Variants in SLC1A2 observed in about 807,000 individuals in gnomAD.
SLC1A2 encodes solute carrier family 1 member 2, also known as excitatory amino acid transporter 2.
A neutral mutation model predicts 48.8 loss-of-function variants in SLC1A2; 15 were observed. The observed-to-expected ratio is 0.31, with a 90% CI of 0.21 to 0.47. The LOEUF is 0.47. SLC1A2 is among the 20% of genes least tolerant of loss of function. SLC1A2 has a pLI of 0.99. For synonymous variants in SLC1A2, 279 were observed against 272.6 expected (o/e 1.02, Z -0.23); for missense variants, 502 against 730.5 (o/e 0.69, Z 3.61).
At chr11:35,278,926 G>A (rs550902582) in intron 9 of SLC1A2, among the ~76,000 whole-genome samples, 95 of 152,262 alleles carry the variant, frequency 6.2e-4, no homozygotes, top group African/African-American at 9.6e-4. Flanking sequence ...GGCTGAGGCC[G>A]GAGAAATGCT....
chr11:35,318,220 T>C (rs1382534487), intron 1 of SLC1A2, among the ~76,000 whole-genome samples: 2 of 152,194 alleles, frequency 1.3e-5, no homozygotes, highest in East Asian at 1.9e-4. Context: ...CCAAGCCCTT[T>C]TCTGGGTTAA....
intron 1 of SLC1A2, among the ~76,000 whole-genome samples, chr11:35,320,047 T>C (rs1025904182): frequency 2.0e-5 from 3 of 152,230 alleles, no homozygotes; most frequent in African/African-American, 7.2e-5. Context: ...TTAGTCTAAC[T>C]AATCACTACG....
At chr11:35,277,073 A>G (rs1298763695) in intron 9 of SLC1A2, among the ~76,000 whole-genome samples, 1 of 152,140 alleles carries the variant, frequency 6.6e-6, no homozygotes, top group Non-Finnish European at 1.5e-5. Context: ...TAATGCACCA[A>G]CCCCACTCAT....
chr11:35,402,897 C>T (rs1037030033), intron 1 of SLC1A2, among the ~76,000 whole-genome samples: 1 of 152,212 alleles, frequency 6.6e-6, no homozygotes, highest in Non-Finnish European at 1.5e-5. Flanking sequence ...AAATACAGCA[C>T]TCAAATGATC....
At chr11:35,275,176 G>A (rs980492104) in intron 9 of SLC1A2, among the ~76,000 whole-genome samples, 4 of 152,218 alleles carry the variant, frequency 2.6e-5, no homozygotes, top group Non-Finnish European at 5.9e-5. Flanking sequence ...AGGAGCTTCA[G>A]AGCCCTCCTG....
intron 9 of SLC1A2, among the ~76,000 whole-genome samples, chr11:35,277,586 A>T (rs1169220210): frequency 1.3e-5 from 2 of 152,186 alleles, no homozygotes; most frequent in African/African-American, 4.8e-5. Flanking sequence ...ATGAATTTCT[A>T]ATGGTGGTTT....
rs1565276810 is a variant in SLC1A2, at chr11:35,363,260, G to T, written c.18-45744C>A. ...AGCAAAACCATCTTTTGGGTGTTGT[G>T]TATTCTGCCCCAGATGACAATTTTG... On this transcript the variant is annotated intron_variant, in intron 1 of 10. Transcript: ENST00000278379. Among the ~76,000 whole-genome samples the T allele has an allele frequency of 2.6e-5, 4 of 152,288 alleles. No individual in the cohort carries two copies. The East Asian group carries it at 5.8e-4, about 22-fold the overall frequency.
At chr11:35,393,131 G>A (rs1427395157) in intron 1 of SLC1A2, among the ~76,000 whole-genome samples, 2 of 152,124 alleles carry the variant, frequency 1.3e-5, no homozygotes, top group Non-Finnish European at 2.9e-5. Flanking sequence ...CCTTCTTGGT[G>A]CCAGGTGTCC....
chr11:35,334,943 A>G (rs1397491262), intron 1 of SLC1A2, among the ~76,000 whole-genome samples: 1 of 152,198 alleles, frequency 6.6e-6, no homozygotes, highest in Non-Finnish European at 1.5e-5. Context: ...CAGATGAGAA[A>G]GCAAAGTTAA....
At chr11:35,329,194 A>T (rs1156593400) in intron 1 of SLC1A2, among the ~76,000 whole-genome samples, 1 of 152,246 alleles carries the variant, frequency 6.6e-6, no homozygotes, top group Non-Finnish European at 1.5e-5. Flanking sequence ...ATTCTGGAAA[A>T]GGCAAAACTA....
In SLC1A2 at chr11:35,292,408, G is replaced by A. The variant is rs770030499; in HGVS notation, c.970C>T (p.Leu324Phe). 2 of 1,613,490 alleles carry A rather than the reference G, an allele frequency of 1.2e-6. No homozygotes were observed. Reference protein sequence around the residue: ...GMYMVTVIIGLIIHGGIFLPL... With the variant: ...GMYMVTVIIGFIIHGGIFLPL... ...AGAAAGATGCCCCCGTGGATGATGAGGCCTATGATCACTGTTACCATGTAC... is the reference window on the plus strand; with the variant it reads ...AGAAAGATGCCCCCGTGGATGATGAAGCCTATGATCACTGTTACCATGTAC... Residue 324 changes from leucine (L) to phenylalanine (F), a missense_variant, in exon 7 of 11, where the codon CTC becomes TTC. By Grantham distance (22) the Leu-to-Phe change is conservative. This residue lies in a region of SLC1A2 where 309 missense variants were observed against 480.3 expected (regional missense o/e 0.64). Coordinates refer to ENST00000278379, the MANE Select transcript of SLC1A2 (RefSeq NM_004171.4).
intron 1 of SLC1A2, among the ~76,000 whole-genome samples, chr11:35,364,873 G>C (rs559542259): frequency 6.6e-6 from 1 of 152,266 alleles, no homozygotes; most frequent in South Asian, 2.1e-4. Flanking sequence ...ACACAATTCA[G>C]TCCTCAAGAC....
chr11:35,413,620 T>A (rs1395162685), intron 1 of SLC1A2: 1 of 152,146 alleles, frequency 6.6e-6, no homozygotes, highest in Non-Finnish European at 1.5e-5. Context: ...TTAAAACATG[T>A]TCAAAATCCT....
At chr11:35,362,310 A>G (rs1283527507) in intron 1 of SLC1A2, among the ~76,000 whole-genome samples, 2 of 152,164 alleles carry the variant, frequency 1.3e-5, no homozygotes, top group African/African-American at 2.4e-5. Flanking sequence ...TTCAATCCCA[A>G]TCTGAAATTT....
intron 4 of SLC1A2, among the ~76,000 whole-genome samples, chr11:35,307,568 C>T (rs905149847): frequency 6.6e-6 from 1 of 152,224 alleles, no homozygotes; most frequent in Non-Finnish European, 1.5e-5. Context: ...ATTGTCAGTG[C>T]TGGCATGTAG....
chr11:35,255,522 C>G lies in SLC1A2; in HGVS notation c.*5372G>C, dbSNP rs1193979343. The G allele has an allele frequency of 6.6e-6, 1 of 152,194 alleles. No homozygotes were observed. The highest frequency in any genetic ancestry group is 1.5e-5 in the Non-Finnish European group (1 of 68,034). 9.4% of individuals were successfully genotyped at this position (152,194 alleles called of 1,614,324 possible). A position where few individuals can be genotyped will look rare whatever the true frequency, so the allele number is the denominator to read the frequency against. ...AGAAAAGATATTTACAAACAGTTGCCGTGATTGTGCAAGTGTTGTACCAAA... is the reference window on the plus strand; with the variant it reads ...AGAAAAGATATTTACAAACAGTTGCGGTGATTGTGCAAGTGTTGTACCAAA... On this transcript the variant is annotated 3_prime_UTR_variant, in exon 11 of 11. Transcript: ENST00000278379.
chr11:35,340,363 C>T (rs935275450), intron 1 of SLC1A2, among the ~76,000 whole-genome samples: 1 of 152,202 alleles, frequency 6.6e-6, no homozygotes. Flanking sequence ...ACAGTCTGGC[C>T]TCTAAGGGAC....
At chr11:35,395,633 G>A (rs929774557) in intron 1 of SLC1A2, among the ~76,000 whole-genome samples, 1 of 151,946 alleles carries the variant, frequency 6.6e-6, no homozygotes, top group African/African-American at 2.4e-5. Context: ...ACGCTAGGTG[G>A]GCTGCTACGG....
chr11:35,324,008 G>A (rs570371865), intron 1 of SLC1A2, among the ~76,000 whole-genome samples: 1 of 152,348 alleles, frequency 6.6e-6, no homozygotes, highest in South Asian at 2.1e-4. Flanking sequence ...TTACCACTAA[G>A]TCATTGAGAG....
Sources: allele counts gnomAD v4.1 joint callset (sites outside exome capture counted in the v4.1 genomes callset), GRCh38; gene constraint gnomAD v4.1.1; regional missense constraint gnomAD v4.1.1; transcripts MANE v1.5; gene names NCBI Gene and HGNC (gene_info 2026-07-23, HGNC 2026-07-21).